The following ADAT3 variants were observed in gnomAD, a reference collection of about 807,000 sequenced individuals.
ADAT3 encodes the protein adenosine deaminase tRNA specific 3, also known as tRNA-specific adenosine-34 deaminase regulatory subunit ADAT3.
In ADAT3, 2 loss-of-function variants were observed where a neutral mutation model predicts 3.5. The ratio of observed to expected loss-of-function variants is 0.57; its 90% CI spans 0.23 to 1.79. The LOEUF is 1.79. Among genes scored for constraint, ADAT3 ranks in the 40% most tolerant of loss-of-function variants. The pLI, the probability that ADAT3 is intolerant of heterozygous loss-of-function variation, is 0.18. For synonymous variants in ADAT3, 358 were observed against 270.3 expected, an observed-to-expected ratio of 1.32 and a Z score of -3.18; for missense variants, 735 against 571.4, an observed-to-expected ratio of 1.29 and a Z score of -2.92.
At chr19:1,906,254 G>A (rs1165505388) in intron 1 of ADAT3, 1 of 152,284 alleles carries the variant, frequency 6.6e-6, no homozygotes, top group African/African-American at 2.4e-5. Flanking sequence ...CAGCTACTGG[G>A]GAGGCCAAGG....
Position 1,911,930 on chromosome 19 carries a change from A to C in ADAT3, c.-118A>C. On this transcript the variant is annotated 5_prime_UTR_variant, in exon 2 of 2. The change abolishes the stop of an existing upstream ORF in the 5' untranslated region. Coordinates refer to ENST00000329478, the MANE Select transcript of ADAT3 (RefSeq NM_138422.4). ...GAGGGAGTGTAGCTCTGATGCGGTG[A>C]CCTGGGCCGGAGCCCTCGGACTAGC... 1 of 1,300,804 alleles carries C rather than the reference A, an allele frequency of 7.7e-7. No homozygotes were observed. The highest frequency in any genetic ancestry group is 1.7e-5 in the South Asian group (1 of 58,822). 80.6% of individuals were successfully genotyped at this position (1,300,804 alleles called of 1,614,324 possible). A position where few individuals can be genotyped will look rare whatever the true frequency, so the allele number is the denominator to read the frequency against.
chr19:1,913,302 T>C lies in ADAT3; in HGVS notation c.*151T>C. 2 of 1,217,500 alleles carry C rather than the reference T, an allele frequency of 1.6e-6. No homozygotes were observed. The highest frequency in any genetic ancestry group is 1.1e-6 in the Non-Finnish European group (1 of 893,294). The allele number at this position is 1,217,500 out of a possible 1,614,324, so 75.4% of individuals were successfully genotyped here. On this transcript the variant is annotated 3_prime_UTR_variant, in exon 2 of 2. Transcript: ENST00000329478. ...CGGGGAGCACGGGTGCTGCCTTCCG[T>C]GCGGATCGAGCTTTCCTGGACTCGG...
Position 1,908,513 on chromosome 19 carries a change from G to A in ADAT3, c.-159+3074G>A, listed in dbSNP as rs1360549690. On this transcript the variant is annotated intron_variant, in intron 1 of 1. Coordinates refer to ENST00000329478, the MANE Select transcript of ADAT3 (RefSeq NM_138422.4). The surrounding 1 kb of genome is among the most constrained non-coding windows in gnomAD (Gnocchi z 4.2). Reference sequence around the variant, plus strand: ...GGGAGGAGCCGTCCATACCAGCGGGGATGTGTAGTCCAGGCTGGCAGTTCA... The same window carrying A: ...GGGAGGAGCCGTCCATACCAGCGGGAATGTGTAGTCCAGGCTGGCAGTTCA... 2 of 471,030 alleles carry A rather than the reference G, an allele frequency of 4.2e-6. No individual in the cohort carries two copies. The highest frequency in any genetic ancestry group is 1.5e-5 in the South Asian group (1 of 64,576). 29.2% of individuals were successfully genotyped at this position (471,030 alleles called of 1,614,324 possible).
At chr19:1,909,948 A>G (rs1238278963) in intron 1 of ADAT3, among the ~76,000 whole-genome samples, 1 of 152,174 alleles carries the variant, frequency 6.6e-6, no homozygotes, top group Admixed American at 6.5e-5. Context: ...CCCTTGGCCG[A>G]CTAGGGGGCG....
rs1432441414 is a variant in ADAT3, at chr19:1,912,783, G to C, written c.736G>C (p.Asp246His). Reference sequence around the variant, plus strand: ...CCTGCACGCCGTCATGGTGTGCGTGGACCTCGTGGCGCGCGGCCAGGGCCG... The same window carrying C: ...CCTGCACGCCGTCATGGTGTGCGTGCACCTCGTGGCGCGCGGCCAGGGCCG... ...PLLHAVMVCV[D>H]LVARGQGRGT... Residue 246 changes from aspartate to histidine, a missense_variant, in exon 2 of 2, where the codon GAC (aspartate) becomes CAC (histidine). By Grantham distance (81) the Asp-to-His change is moderately conservative (BLOSUM62 -1). Transcript: ENST00000329478. 6.4e-7 allele frequency: 1 copy of C among 1,571,010 alleles called. No individual in the cohort carries two copies. The highest frequency in any genetic ancestry group is 2.3e-5 in the East Asian group (1 of 42,708).
In ADAT3 at chr19:1,913,061, C is replaced by T. The variant is rs768915754; in HGVS notation, c.1014C>T (p.Arg338=). 3 of 1,602,858 alleles carry T rather than the reference C, an allele frequency of 1.9e-6. No individual in the cohort carries two copies. In the South Asian group the frequency reaches 3.3e-5, roughly 18 times the overall value. Residue 338 remains arginine, a synonymous_variant, in exon 2 of 2, where the codon CGC becomes CGT. Coordinates refer to ENST00000329478, the MANE Select transcript of ADAT3 (RefSeq NM_138422.4). The stretch of plus-strand genomic sequence containing the variant: ...ACGGCGCCCTGGGCACCCGCTTCCG[C>T]ATCCACGCACGGCCCGACCTCAACC... The part of the protein sequence containing the change: ...SPDGALGTRF[R]IHARPDLNHR...
chr19:1,911,651 C>T (rs751094908), intron 1 of ADAT3, among the ~76,000 whole-genome samples: 16 of 152,108 alleles, frequency 1.1e-4, no homozygotes, highest in African/African-American at 3.1e-4. Flanking sequence ...GGCGTGGTGG[C>T]GCATGCCTGT....
In ADAT3 at chr19:1,912,033, G is replaced by T; in HGVS notation, c.-15G>T. ...CGGACTCCCCGGCTCTCCCCCAGCC[G>T]CCCGCAGCCGCCGGATGATCCTCTG... is the stretch of plus-strand genomic sequence containing the variant. On this transcript the variant is annotated 5_prime_UTR_variant, in exon 2 of 2. Transcript: ENST00000329478. 7.1e-7 allele frequency: 1 copy of T among 1,415,234 alleles called. No homozygotes were observed. Among genetic ancestry groups the T allele is most frequent in the Non-Finnish European group, 9.2e-7 (1 of 1,091,258 alleles). 87.7% of individuals were successfully genotyped at this position (1,415,234 alleles called of 1,614,324 possible).
At chr19:1,907,135 C>T (rs1212352142) in intron 1 of ADAT3, 2 of 151,754 alleles carry the variant, frequency 1.3e-5, no homozygotes, top group African/African-American at 2.4e-5. Flanking sequence ...TGCAGTGAGC[C>T]AGGATCGCGC....
At position 1,912,143 on chromosome 19, in the gene ADAT3, C is replaced by T. The variant is rs1312775808; in HGVS notation, c.96C>T (p.Ala32=). Reference sequence around the variant, plus strand: ...TGGAGCAGCCCAAGTGCTTGGAGGCCGGGAGCCCGGAGCCTGAGCCGGCGC... The same window carrying T: ...TGGAGCAGCCCAAGTGCTTGGAGGCTGGGAGCCCGGAGCCTGAGCCGGCGC... ...GLVEQPKCLE[A]GSPEPEPAPW... The change falls in exon 2 of 2, where the codon GCC becomes GCT. Residue 32 remains alanine (A), a synonymous_variant. Transcript: ENST00000329478. 5 of 1,560,816 alleles carry T rather than the reference C, an allele frequency of 3.2e-6. No individual in the cohort carries two copies. The African/African-American group carries it at 4.1e-5, about 13-fold the overall frequency.
At chr19:1,910,252 C>T (rs952809227) in intron 1 of ADAT3, among the ~76,000 whole-genome samples, 2 of 152,206 alleles carry the variant, frequency 1.3e-5, no homozygotes, top group Non-Finnish European at 2.9e-5. Flanking sequence ...CATCTGCTTG[C>T]AACTCACGCA....
In ADAT3 at chr19:1,908,545, C is replaced by T. The variant is rs1460440316; in HGVS notation, c.-159+3106C>T. The T allele has an allele frequency of 6.4e-6, 3 of 471,060 alleles. No homozygotes were observed. Among genetic ancestry groups the T allele is most frequent in the African/African-American group, 6.0e-5 (3 of 50,090 alleles). 29.2% of individuals were successfully genotyped at this position (471,060 alleles called of 1,614,324 possible). Reference sequence around the variant, plus strand: ...AGTCCAGGCTGGCAGTTCAGGATCACCCGGCTGGAGTCATTTTAAGATCAT... The same window carrying T: ...AGTCCAGGCTGGCAGTTCAGGATCATCCGGCTGGAGTCATTTTAAGATCAT... On this transcript the variant is annotated intron_variant, in intron 1 of 1. Transcript: ENST00000329478. The surrounding 1 kb of genome is among the most constrained non-coding windows in gnomAD (Gnocchi z 4.2).
At chr19:1,910,324 C>T (rs1410090082) in intron 1 of ADAT3, among the ~76,000 whole-genome samples, 1 of 152,220 alleles carries the variant, frequency 6.6e-6, no homozygotes, top group Non-Finnish European at 1.5e-5. Context: ...AGTTCCTGGC[C>T]ACATGGCCCT....
At chr19:1,911,508 G>A (rs1386088845) in intron 1 of ADAT3, among the ~76,000 whole-genome samples, 1 of 152,204 alleles carries the variant, frequency 6.6e-6, no homozygotes, top group Non-Finnish European at 1.5e-5. Context: ...TGTCTTGGCT[G>A]GGCGCAGTGA....
Position 1,911,928 on chromosome 19 carries a change from T to C in ADAT3, c.-120T>C. The C allele has an allele frequency of 1.5e-6, 2 of 1,290,338 alleles. No homozygotes were observed. The highest frequency in any genetic ancestry group is 2.0e-6 in the Non-Finnish European group (2 of 989,256). 79.9% of individuals were successfully genotyped at this position (1,290,338 alleles called of 1,614,324 possible). On this transcript the variant is annotated 5_prime_UTR_variant, in exon 2 of 2. An upstream open reading frame in the 5' UTR loses its in-frame stop. Coordinates refer to ENST00000329478, the MANE Select transcript of ADAT3 (RefSeq NM_138422.4). ...ATGAGGGAGTGTAGCTCTGATGCGG[T>C]GACCTGGGCCGGAGCCCTCGGACTA... is the stretch of plus-strand genomic sequence containing the variant.
rs1001682483 is a variant in ADAT3, at chr19:1,908,017, C to G, written c.-159+2578C>G. 2.5e-5 allele frequency: 4 copies of G among 158,056 alleles called. No individual in the cohort carries two copies. The highest frequency in any genetic ancestry group is 7.2e-5 in the African/African-American group (3 of 41,448). 9.8% of individuals were successfully genotyped at this position (158,056 alleles called of 1,614,324 possible). Reference sequence around the variant, plus strand: ...CCCGGCAGCTGCCTCCTCTCTGGGTCGTTTGTTTTTCATCAGACAGAGGTT... The same window carrying G: ...CCCGGCAGCTGCCTCCTCTCTGGGTGGTTTGTTTTTCATCAGACAGAGGTT... On this transcript the variant is annotated intron_variant, in intron 1 of 1. Coordinates refer to ENST00000329478, the MANE Select transcript of ADAT3 (RefSeq NM_138422.4). This position sits in a 1 kb window ranked among gnomAD's most constrained non-coding sequence, Gnocchi z 4.2.
At chr19:1,907,694 C>T (rs2013205761) in intron 1 of ADAT3, among the ~76,000 whole-genome samples, 2 of 152,202 alleles carry the variant, frequency 1.3e-5, no homozygotes, top group African/African-American at 2.4e-5. Flanking sequence ...CCAGCCCAGG[C>T]TGGCGGCCGT....
At position 1,913,072 on chromosome 19, in the gene ADAT3, G is replaced by T; in HGVS notation, c.1025G>T (p.Arg342Leu). 1.9e-6 allele frequency: 3 copies of T among 1,601,934 alleles called. No homozygotes were observed. Among genetic ancestry groups the T allele is most frequent in the South Asian group, 1.1e-5 (1 of 90,870 alleles). ...GGCACCCGCTTCCGCATCCACGCAC[G>T]GCCCGACCTCAACCACCGCTTCCAG... is the stretch of plus-strand genomic sequence containing the variant. ...ALGTRFRIHA[R>L]PDLNHRFQVF... Residue 342 changes from arginine (R) to leucine (L), a missense_variant, in exon 2 of 2, where the codon CGG (arginine) becomes CTG (leucine). Transcript: ENST00000329478.
Position 1,905,447 on chromosome 19 carries a change from C to T in ADAT3, c.-159+8C>T, listed in dbSNP as rs965126061. 4.3e-6 allele frequency: 2 copies of T among 460,070 alleles called. No individual in the cohort carries two copies. Among genetic ancestry groups the T allele is most frequent in the East Asian group, 1.5e-4 (2 of 13,198 alleles). The allele number at this position is 460,070 out of a possible 1,614,324, so 28.5% of individuals were successfully genotyped here. A position where few individuals can be genotyped will look rare whatever the true frequency, so the allele number is the denominator to read the frequency against. On this transcript the variant is annotated splice_region_variant and intron_variant, in intron 1 of 1. Coordinates refer to ENST00000329478, the MANE Select transcript of ADAT3 (RefSeq NM_138422.4). Reference sequence around the variant, plus strand: ...CGCGCCCGGATCCCTCAGGTAAGCGCGCGGCCCCGAGGTCTCGGGTTCTCC... The same window carrying T: ...CGCGCCCGGATCCCTCAGGTAAGCGTGCGGCCCCGAGGTCTCGGGTTCTCC...
Sources: allele counts gnomAD v4.1 joint callset (sites outside exome capture counted in the v4.1 genomes callset), GRCh38; gene constraint gnomAD v4.1.1; non-coding constraint Gnocchi (gnomAD v3.1); transcripts MANE v1.5; gene names NCBI Gene and HGNC (gene_info 2026-07-23, HGNC 2026-07-21).